Variants in TRA2A observed in about 807,000 individuals in gnomAD.
The protein encoded by TRA2A is transformer 2 alpha homolog.
TRA2A carries 31 observed loss-of-function variants against 45.7 expected under a neutral mutation model. The observed-to-expected ratio is 0.68, with a 90% CI of 0.51 to 0.92. The LOEUF (loss-of-function observed/expected upper bound fraction) is 0.92, where lower values mean the gene tolerates loss of function less well. Among genes scored for constraint, TRA2A ranks in the 40% least tolerant of loss-of-function variants. The pLI, the probability that TRA2A is intolerant of heterozygous loss-of-function variation, is 0.00. For synonymous variants in TRA2A, 132 were observed against 126.2 expected (o/e 1.05, Z -0.31); for missense variants, 304 against 367.5 (o/e 0.83, Z 1.41).
At chr7:23,522,008 A>G in intron 1 of TRA2A, 168 bp from the exon 2 acceptor site, 1 of 1,403,104 alleles carries the variant, frequency 7.1e-7, no homozygotes, top group Non-Finnish European at 9.3e-7. Flanking sequence ...TAATACTGCT[A>G]ACTGTCCTCA....
intron 2 of TRA2A, among the ~76,000 whole-genome samples, chr7:23,517,663 C>G (rs1386161448): frequency 1.3e-5 from 2 of 150,772 alleles, no homozygotes; most frequent in Non-Finnish European, 3.0e-5. Context: ...CCTGTAATCC[C>G]AGTACTTTGG....
At chr7:23,524,829 T>C (rs1214707551) in intron 1 of TRA2A, among the ~76,000 whole-genome samples, 1 of 152,018 alleles carries the variant, frequency 6.6e-6, no homozygotes, top group Non-Finnish European at 1.5e-5. Context: ...GTAGCTCAGC[T>C]TACAGGTGCA....
intron 4 of TRA2A, among the ~76,000 whole-genome samples, chr7:23,510,073 A>G (rs1211441820): frequency 6.6e-6 from 1 of 152,166 alleles, no homozygotes. Flanking sequence ...CAAAAAAAGA[A>G]AAAAATCAAA....
At chr7:23,516,788 C>A (rs912467306) in intron 2 of TRA2A, among the ~76,000 whole-genome samples, 1 of 150,698 alleles carries the variant, frequency 6.6e-6, no homozygotes. Context: ...AAAAAAAAAA[C>A]AAAAAACAAA....
chr7:23,522,041 T>A (rs989732721), intron 1 of TRA2A: 9 of 1,395,792 alleles, frequency 6.4e-6, no homozygotes, highest in Non-Finnish European at 8.4e-6. Context: ...TTGAACCAGA[T>A]CACCAATTCT....
chr7:23,517,477 CAAAAAAAAAAAAAAAA>C (rs70954385), intron 2 of TRA2A, among the ~76,000 whole-genome samples: 3 of 13,934 alleles, frequency 2.2e-4, no homozygotes, highest in South Asian at 2.5e-3. Flanking sequence ...GACTACGTCT[CAAAAAAAAAAAAAAAA>C]AAAAAAAAAA....
intron 1 of TRA2A, among the ~76,000 whole-genome samples, chr7:23,527,153 G>C (rs1790372773): frequency 6.6e-6 from 1 of 152,120 alleles, no homozygotes; most frequent in African/African-American, 2.4e-5. Flanking sequence ...CAGTATTTAT[G>C]AATCTTGGTA....
rs777556731 is a variant in TRA2A at position 23,505,500 on chromosome 7, TAAAAAAAAAA to T, written c.*49_*58del. 3.5e-6 allele frequency: 1 copy of T among 283,348 alleles called. No homozygotes were observed. The highest frequency in any genetic ancestry group is 8.9e-5 in the Admixed American group (1 of 11,290). 17.6% of individuals were successfully genotyped at this position (283,348 alleles called of 1,614,324 possible). On this transcript the variant is annotated 3_prime_UTR_variant, in exon 8 of 8. Transcript: ENST00000297071. ...CCACAGCTTGGGGAAATCTCAGAAT[TAAAAAAAAAA>T]AAAAAAAAAAGAGGAAAAAAAATGT...
At chr7:23,520,376 G>C (rs1001726831) in intron 2 of TRA2A, among the ~76,000 whole-genome samples, 1 of 152,218 alleles carries the variant, frequency 6.6e-6, no homozygotes. Context: ...AAACGTTCTA[G>C]GTTGAAGGTG....
chr7:23,523,585 C>T (rs1790223332), intron 1 of TRA2A, among the ~76,000 whole-genome samples: 1 of 152,190 alleles, frequency 6.6e-6, no homozygotes, highest in Admixed American at 6.5e-5. Flanking sequence ...AAGAACTGTA[C>T]AAATGCCACC....
chr7:23,525,331 A>G (rs1790297879), intron 1 of TRA2A, among the ~76,000 whole-genome samples: 1 of 152,196 alleles, frequency 6.6e-6, no homozygotes, highest in Non-Finnish European at 1.5e-5. Context: ...ATTGCTGGGA[A>G]TGGGTGGTAT....
intron 2 of TRA2A, among the ~76,000 whole-genome samples, chr7:23,517,477 C>CAAAAAAAAAAAAA (rs70954385): frequency 0.01 from 146 of 13,906 alleles, 16 homozygotes; most frequent in Non-Finnish European, 0.015. Flanking sequence ...GACTACGTCT[C>CAAAAAAAAAAAAA]AAAAAAAAAA....
intron 3 of TRA2A, among the ~76,000 whole-genome samples, chr7:23,514,645 A>G: frequency 6.7e-6 from 1 of 150,068 alleles, no homozygotes; most frequent in Admixed American, 6.7e-5. Context: ...CCCAAGCTGG[A>G]GTTTACTGGC....
chr7:23,521,826 C>T lies in TRA2A; in HGVS notation c.51G>A (p.Gln17=). 6.2e-7 allele frequency: 1 copy of T among 1,614,088 alleles called. No homozygotes were observed. The highest frequency in any genetic ancestry group is 8.5e-7 in the Non-Finnish European group (1 of 1,180,026). ...CAGGAGTTCCCGTTGGAGATTTTGACTGAGAGCGAGACTCCTAACAAAGAA... is the reference window on the plus strand; with the variant it reads ...CAGGAGTTCCCGTTGGAGATTTTGATTGAGAGCGAGACTCCTAACAAAGAA... ...NNFEGRESRS[Q]SKSPTGTPAR... The change falls in exon 2 of 8, where the codon CAG becomes CAA. Residue 17 remains glutamine, a synonymous_variant. Transcript: ENST00000297071.
intron 2 of TRA2A, among the ~76,000 whole-genome samples, chr7:23,516,856 T>C (rs1212547820): frequency 6.6e-6 from 1 of 151,902 alleles, no homozygotes; most frequent in Non-Finnish European, 1.5e-5. Flanking sequence ...ATGCCTGTAA[T>C]CCCAGCACTT....
At chr7:23,522,152 C>T in intron 1 of TRA2A, 1 of 1,178,228 alleles carries the variant, frequency 8.5e-7, no homozygotes, top group Non-Finnish European at 1.1e-6. Context: ...TTCATTCTTC[C>T]AGATTCTTTT....
chr7:23,505,617 TTA>T, intron 7 of TRA2A, 48 bp from the exon 8 acceptor site: 1 of 433,108 alleles, frequency 2.3e-6, no homozygotes, highest in South Asian at 2.9e-5. Context: ...AAGTTAACAA[TTA>T]TAGTTTAATT....
chr7:23,517,862 A>G (rs1789957998), intron 2 of TRA2A, among the ~76,000 whole-genome samples: 1 of 148,544 alleles, frequency 6.7e-6, no homozygotes, highest in Non-Finnish European at 1.5e-5. Flanking sequence ...CAGTGAGCTG[A>G]GATCGTGCCA....
At chr7:23,516,891 C>CGAGATCAA (rs1789899604) in intron 2 of TRA2A, among the ~76,000 whole-genome samples, 1 of 151,678 alleles carries the variant, frequency 6.6e-6, no homozygotes, top group Non-Finnish European at 1.5e-5. Flanking sequence ...GAGCAGATCG[C>CGAGATCAA]GAGATCAAGA....
Sources: gnomAD v4.1 joint callset for allele counts (sites outside exome capture counted in the v4.1 genomes callset) on GRCh38, gnomAD v4.1.1 for gene constraint, MANE v1.5 for transcripts, NCBI Gene and HGNC (gene_info 2026-07-23, HGNC 2026-07-21) for gene names.